JUP: variants seen among roughly 807,000 people sequenced by gnomAD.
JUP encodes junction plakoglobin, also known as catenin (cadherin-associated protein), gamma 80kDa.
JUP carries 28 observed loss-of-function variants against 71.1 expected under a neutral mutation model. The observed-to-expected ratio is 0.39, with a 90% CI of 0.29 to 0.54. The LOEUF is 0.54. JUP is among the 20% of genes least tolerant of loss of function. JUP has a pLI of 0.62. For synonymous variants in JUP, 401 were observed against 438.9 expected (o/e 0.91, Z 1.08); for missense variants, 869 against 1,030.1 (o/e 0.84, Z 2.14).
chr17:41,773,256 A>G (rs1296758423), intron 1 of JUP, among the ~76,000 whole-genome samples: 4 of 152,182 alleles, frequency 2.6e-5, no homozygotes, highest in African/African-American at 4.8e-5. Flanking sequence ...GCCCCACCCC[A>G]GGAACAAAGA....
chr17:41,766,859 A>C (rs1171037446), intron 5 of JUP, among the ~76,000 whole-genome samples: 1 of 141,720 alleles, frequency 7.1e-6, no homozygotes, highest in Non-Finnish European at 1.5e-5. Flanking sequence ...CATCTCAAAC[A>C]AAAAAAAAAA....
chr17:41,757,494 T>C lies in JUP; in HGVS notation c.1967A>G (p.Lys656Arg). Residue 656 changes from lysine to arginine, a missense_variant, in exon 12 of 14, where the codon AAG (lysine) becomes AGG (arginine). Coordinates refer to ENST00000393931, the MANE Select transcript of JUP (RefSeq NM_002230.4). ...AAVLFRISEDKNPDYRKRVSV... is the reference protein window; with the variant it reads ...AAVLFRISEDRNPDYRKRVSV... ...CACGCGCTTCCGGTAGTCTGGGTTC[T>C]TGTCCTCGGAGATGCGGAACAGGAC... is the stretch of plus-strand genomic sequence containing the variant. 1 of 1,614,204 alleles carries C rather than the reference T, an allele frequency of 6.2e-7. No individual in the cohort carries two copies. Among genetic ancestry groups the C allele is most frequent in the Non-Finnish European group, 8.5e-7 (1 of 1,180,026 alleles).
At chr17:41,774,014 C>T (rs1198193217) in intron 1 of JUP, among the ~76,000 whole-genome samples, 1 of 152,194 alleles carries the variant, frequency 6.6e-6, no homozygotes, top group Non-Finnish European at 1.5e-5. Flanking sequence ...TAGACAGTGC[C>T]TAACCCTGGG....
In JUP at chr17:41,757,861, T is replaced by C; in HGVS notation, c.1774-77A>G. On this transcript the variant is annotated intron_variant, in intron 10 of 13. Coordinates refer to ENST00000393931, the MANE Select transcript of JUP (RefSeq NM_002230.4). ...GGCCGGACAACACACCCCACAGCAC[T>C]GCCCACCTCCACCCTGTAGCAATTC... 2.4e-6 allele frequency: 3 copies of C among 1,235,548 alleles called. No homozygotes were observed. In the South Asian group the frequency reaches 4.3e-5, roughly 18 times the overall value. 76.5% of individuals were successfully genotyped at this position (1,235,548 alleles called of 1,614,324 possible). A position where few individuals can be genotyped will look rare whatever the true frequency, so the allele number is the denominator to read the frequency against.
Position 41,764,797 on chromosome 17 carries a change from G to T in JUP, c.1074C>A (p.Gly358=). 5.6e-6 allele frequency: 9 copies of T among 1,613,784 alleles called. No individual in the cohort carries two copies. The highest frequency in any genetic ancestry group is 7.6e-6 in the Non-Finnish European group (9 of 1,179,960). ...GGGGGCTGTTGCTGGTCAGGTGCTT[G>T]CCCAGGGCCTGCATCCCACCTGGGG... The part of the protein sequence containing the change: ...IVEAGGMQAL[G]KHLTSNSPRL... The change falls in exon 7 of 14, where the codon GGC becomes GGA. Residue 358 remains glycine (G), a synonymous_variant. Transcript: ENST00000393931.
At chr17:41,756,342 G>A in intron 12 of JUP, 128 bp from the exon 13 acceptor site, 2 of 867,500 alleles carry the variant, frequency 2.3e-6, no homozygotes, top group Non-Finnish European at 3.8e-6. Context: ...GCTCACGCCT[G>A]TAATCCCAGC....
intron 12 of JUP, among the ~76,000 whole-genome samples, 178 bp downstream of exon 12, chr17:41,757,237 A>G: frequency 6.6e-6 from 1 of 152,244 alleles, no homozygotes; most frequent in East Asian, 1.9e-4. Context: ...AAAAATTGGC[A>G]TTTTGTGGAT....
chr17:41,769,246 G>C lies in JUP; in HGVS notation c.469-39C>G, dbSNP rs781797047. 6.3e-6 allele frequency: 10 copies of C among 1,584,638 alleles called. No homozygotes were observed. In the East Asian group the frequency reaches 1.8e-4, roughly 28 times the overall value. On this transcript the variant is annotated intron_variant, in intron 3 of 13. Coordinates refer to ENST00000393931, the MANE Select transcript of JUP (RefSeq NM_002230.4). The stretch of plus-strand genomic sequence containing the variant: ...GCAGGGGCGGGGACGTGAGCACTAA[G>C]GAGAGGCCGGGATACCCTTCCACAG...
intron 1 of JUP, among the ~76,000 whole-genome samples, chr17:41,782,416 C>T (rs372330517): frequency 3.3e-5 from 5 of 152,222 alleles, no homozygotes; most frequent in African/African-American, 1.2e-4. Flanking sequence ...ATCGGACTCT[C>T]GTTTCTCGCC....
In JUP at chr17:41,755,331, G is replaced by A. The variant is rs559600252; in HGVS notation, c.*413C>T. ...GACCCTACGGAGGACCTCTGGAGGC[G>A]CAGGGTGCAGCAGGAAGTTACACCC... On this transcript the variant is annotated 3_prime_UTR_variant, in exon 14 of 14. Coordinates refer to ENST00000393931, the MANE Select transcript of JUP (RefSeq NM_002230.4). The A allele has an allele frequency of 9.2e-5, 37 of 402,194 alleles. No homozygotes were observed. The highest frequency in any genetic ancestry group is 4.7e-4 in the African/African-American group (23 of 48,750). The allele number at this position is 402,194 out of a possible 1,614,324, so 24.9% of individuals were successfully genotyped here. A position where few individuals can be genotyped will look rare whatever the true frequency, so the allele number is the denominator to read the frequency against.
At chr17:41,757,330 G>T in intron 12 of JUP, 85 bp downstream of exon 12, 1 of 1,399,874 alleles carries the variant, frequency 7.1e-7, no homozygotes, top group Non-Finnish European at 1.0e-6. Context: ...GAAGTTGACA[G>T]TAGTAGGAGA....
chr17:41,769,485 T>A lies in JUP; in HGVS notation c.401A>T (p.Gln134Leu), dbSNP rs1057518313. 1 of 1,613,188 alleles carries A rather than the reference T, an allele frequency of 6.2e-7. No individual in the cohort carries two copies. The highest frequency in any genetic ancestry group is 8.5e-7 in the Non-Finnish European group (1 of 1,179,748). ...GCGAGTGGCCAGCTCGGCATCGTCC[T>A]GGTAGTTGATGAGATGCACAATGGC... ...KSAIVHLINY[Q>L]DDAELATRAL... The change falls in exon 3 of 14, where the codon CAG (glutamine) becomes CTG (leucine). Residue 134 changes from glutamine (Q) to leucine (L), a missense_variant. Physicochemically the swap from Gln to Leu is moderately radical, Grantham distance 113. Transcript: ENST00000393931.
intron 5 of JUP, among the ~76,000 whole-genome samples, chr17:41,766,542 G>T (rs782518250): frequency 4.6e-5 from 7 of 152,162 alleles, no homozygotes; most frequent in South Asian, 2.1e-4. Flanking sequence ...GCAACATGGA[G>T]AAATCCCATC....
intron 1 of JUP, among the ~76,000 whole-genome samples, chr17:41,773,557 G>A (rs1349518711): frequency 1.3e-5 from 2 of 152,148 alleles, no homozygotes; most frequent in Non-Finnish European, 2.9e-5. Flanking sequence ...TGCTTCCCAG[G>A]CATTCGAAAG....
At chr17:41,777,597 G>C (rs1178595340) in intron 1 of JUP, among the ~76,000 whole-genome samples, 1 of 152,240 alleles carries the variant, frequency 6.6e-6, no homozygotes, top group African/African-American at 2.4e-5. Context: ...CATTCCAAGA[G>C]GGCAGAACTG....
chr17:41,772,121 T>TCCCAGGGGGATGAGC, intron 1 of JUP: 1 of 564,596 alleles, frequency 1.8e-6, no homozygotes, highest in Admixed American at 2.8e-5. Flanking sequence ...ATCTCTGACC[T>TCCCAGGGGGATGAGC]CCCAGGGGGA....
At chr17:41,769,354 C>G (rs2143689412) in intron 3 of JUP, 64 bp downstream of exon 3, 1 of 1,581,416 alleles carries the variant, frequency 6.3e-7, no homozygotes, top group East Asian at 2.3e-5. Flanking sequence ...ATGTCCCTCC[C>G]CTGAGGACAT....
chr17:41,762,162 AGAGAGAGAGAGAGAGTGT>A (rs781812514), intron 8 of JUP, among the ~76,000 whole-genome samples: 2,037 of 86,376 alleles, frequency 0.024, 8 homozygotes, highest in East Asian at 0.078. Context: ...AGAGAGAGAG[AGAGAGAGAGAGAGAGTGT>A]GTGTGTGTGT....
At chr17:41,774,045 G>C (rs1285043101) in intron 1 of JUP, among the ~76,000 whole-genome samples, 1 of 152,120 alleles carries the variant, frequency 6.6e-6, no homozygotes, top group African/African-American at 2.4e-5. Context: ...TAAGGGAGAG[G>C]GAAGCGGGCC....
Sources: gnomAD v4.1 joint callset for allele counts (sites outside exome capture counted in the v4.1 genomes callset) on GRCh38, gnomAD v4.1.1 for gene constraint, MANE v1.5 for transcripts, NCBI Gene and HGNC (gene_info 2026-07-23, HGNC 2026-07-21) for gene names.